The following WASHC2A variants were observed in gnomAD, a reference collection of about 807,000 sequenced individuals.
The protein encoded by WASHC2A is WASH complex subunit FAM21A.
Under a neutral mutation model 140.3 loss-of-function variants are expected in WASHC2A, and 82 were observed. The observed-to-expected ratio is 0.58, with a 90% CI of 0.49 to 0.70. The LOEUF is 0.70. Ranked by LOEUF, WASHC2A falls within the 30% of genes least tolerant of loss-of-function variation. The pLI is 0.00. For missense variants in WASHC2A, 985 were observed against 1,521.8 expected (o/e 0.65, Z 5.87); for synonymous variants, 340 against 560.8 (o/e 0.61, Z 5.56).
chr10:50,129,360 G>A, intron 28 of WASHC2A, 59 bp from the exon 29 acceptor site: 3 of 1,611,986 alleles, frequency 1.9e-6, no homozygotes, highest in Non-Finnish European at 2.5e-6. Flanking sequence ...TCTTTGCCAT[G>A]GTAGCTTTGA....
At chr10:50,128,719 C>T (rs1843662953) in intron 28 of WASHC2A, among the ~76,000 whole-genome samples, 1 of 152,066 alleles carries the variant, frequency 6.6e-6, no homozygotes, top group Non-Finnish European at 1.5e-5. Flanking sequence ...AAGTTGACAA[C>T]ACAATCATAC....
intron 8 of WASHC2A, among the ~76,000 whole-genome samples, chr10:50,090,516 A>ATATATATATATATATT (rs1839819878): frequency 7.1e-5 from 3 of 42,306 alleles, no homozygotes; most frequent in African/African-American, 2.4e-4. Flanking sequence ...AAAAAAAAAA[A>ATATATATATATATATT]TATATATATA....
rs1843756486 is a variant in WASHC2A, at chr10:50,129,582, G to C, written c.3251G>C (p.Arg1084Thr). ...CCAAATGGCCATCGGCCACAGCTCA[G>C]AGCAGCCAGTGGAGAAGACAGCACT... ...ISPNGHRPQL[R>T]AASGEDSTEE... is the part of the protein sequence containing the mutation. The change falls in exon 29 of 31, where the codon AGA becomes ACA. Residue 1084 changes from arginine to threonine, a missense_variant. Transcript: ENST00000282633. The C allele has an allele frequency of 3.1e-6, 5 of 1,611,940 alleles. No homozygotes were observed. In the Admixed American group the frequency reaches 6.7e-5, roughly 21 times the overall value.
At chr10:50,118,306 G>A (rs1430400584) in intron 22 of WASHC2A, among the ~76,000 whole-genome samples, 1 of 60,266 alleles carries the variant, frequency 1.7e-5, no homozygotes, top group East Asian at 4.2e-4. Flanking sequence ...TTACTGTCAC[G>A]TCATGGCATC....
intron 8 of WASHC2A, among the ~76,000 whole-genome samples, chr10:50,090,513 A>ATATATATATATATATATTT (rs1222938483): frequency 2.3e-4 from 16 of 68,518 alleles, no homozygotes; most frequent in Non-Finnish European, 5.7e-4. Context: ...AAAAAAAAAA[A>ATATATATATATATATATTT]AAATATATAT....
intron 18 of WASHC2A, 138 bp downstream of exon 18, chr10:50,104,281 A>T (rs1374576848): frequency 1.6e-6 from 1 of 633,112 alleles, no homozygotes; most frequent in Non-Finnish European, 2.8e-6. Context: ...ATATAACAAA[A>T]ATATTTCTGT....
intron 20 of WASHC2A, among the ~76,000 whole-genome samples, chr10:50,111,767 C>T (rs1842306250): frequency 1.3e-5 from 2 of 152,228 alleles, no homozygotes; most frequent in Non-Finnish European, 2.9e-5. Flanking sequence ...CAGTGGCTCA[C>T]GCCTGTAATC....
rs148241065 is a variant in WASHC2A at position 50,070,502 on chromosome 10, A to G, written c.291+791A>G. Among the ~76,000 whole-genome samples, 786 of 152,256 alleles carry G rather than the reference A, an allele frequency of 5.2e-3. 3 individuals carry two copies. Among genetic ancestry groups the G allele is most frequent in the African/African-American group, 0.016 (646 of 41,520 alleles). ...AGATTGTTAGATATAAAGTAATAAA[A>G]TTTTCAGAATCACAAAATTATTTAA... On this transcript the variant is annotated intron_variant, in intron 3 of 30. Transcript: ENST00000282633.
intron 3 of WASHC2A, among the ~76,000 whole-genome samples, chr10:50,076,878 G>A (rs1838374951): frequency 6.6e-6 from 1 of 151,534 alleles, no homozygotes; most frequent in African/African-American, 2.4e-5. Flanking sequence ...AGCACTTTGG[G>A]AGGCTGAGGT....
At position 50,067,976 on chromosome 10, in the gene WASHC2A, C is replaced by T. The variant is rs1300784498; in HGVS notation, c.-30C>T. ...TGCAGTCCTCGGCGTGTGCTGGCAG[C>T]TTCGGAGCCCACCGAGCCGGGCGGC... On this transcript the variant is annotated 5_prime_UTR_variant, in exon 1 of 31. Transcript: ENST00000282633. 5 of 1,601,666 alleles carry T rather than the reference C, an allele frequency of 3.1e-6. No individual in the cohort carries two copies. The African/African-American group carries it at 4.0e-5, about 13-fold the overall frequency.
At chr10:50,077,169 C>T (rs1384421210) in intron 3 of WASHC2A, among the ~76,000 whole-genome samples, 1 of 151,490 alleles carries the variant, frequency 6.6e-6, no homozygotes, top group Non-Finnish European at 1.5e-5. Flanking sequence ...TGGTGCCCGC[C>T]TGTAATCCCA....
At chr10:50,084,803 T>G (rs1839247308) in intron 6 of WASHC2A, among the ~76,000 whole-genome samples, 1 of 149,336 alleles carries the variant, frequency 6.7e-6, no homozygotes, top group African/African-American at 2.5e-5. Flanking sequence ...TGGCGCGATC[T>G]TGGCTCACTG....
chr10:50,078,359 G>T (rs1838556610), intron 3 of WASHC2A, among the ~76,000 whole-genome samples: 1 of 152,092 alleles, frequency 6.6e-6, no homozygotes, highest in South Asian at 2.1e-4. Context: ...AACATTATTA[G>T]GTTAAATGAA....
intron 28 of WASHC2A, 119 bp downstream of exon 28, chr10:50,127,914 C>T (rs1843581410): frequency 2.6e-6 from 4 of 1,531,394 alleles, no homozygotes; most frequent in Non-Finnish European, 2.7e-6. Context: ...AAGGAGGTGC[C>T]TCATCCTTCC....
chr10:50,082,652 A>AT (rs1387776915), intron 5 of WASHC2A, among the ~76,000 whole-genome samples: 1 of 149,226 alleles, frequency 6.7e-6, no homozygotes, highest in Non-Finnish European at 1.5e-5. Context: ...TAATTTTTGT[A>AT]TTTTTTAGTA....
chr10:50,107,676 C>G (rs1370446719), intron 19 of WASHC2A, among the ~76,000 whole-genome samples: 1 of 151,844 alleles, frequency 6.6e-6, no homozygotes, highest in Admixed American at 6.6e-5. Context: ...AATCCCAGCA[C>G]TTTGAGAGTC....
chr10:50,076,141 G>T lies in WASHC2A; in HGVS notation c.292-2534G>T, dbSNP rs557834584. 1.5e-3 allele frequency among the ~76,000 whole-genome samples: 223 copies of T among 152,040 alleles called. 1 individual carries two copies. Among genetic ancestry groups the T allele is most frequent in the African/African-American group, 5.2e-3 (215 of 41,420 alleles). ...TGGTTTCACCATGTTGGCCAGGCTG[G>T]TCTCAAACTCCTGACCGCAGGTGAT... On this transcript the variant is annotated intron_variant, in intron 3 of 30. Transcript: ENST00000282633.
At chr10:50,123,144 G>T (rs1843140616) in intron 23 of WASHC2A, among the ~76,000 whole-genome samples, 1 of 125,520 alleles carries the variant, frequency 8.0e-6, no homozygotes, top group Non-Finnish European at 1.6e-5. Context: ...CTCATTCCTT[G>T]CTGCTGCAAG....
At chr10:50,131,689 C>G (rs1255882466) in intron 30 of WASHC2A, among the ~76,000 whole-genome samples, 1 of 152,210 alleles carries the variant, frequency 6.6e-6, no homozygotes, top group Admixed American at 6.5e-5. Flanking sequence ...AGGCCACATA[C>G]ACATTTCCTA....
Sources: gnomAD v4.1 joint callset for allele counts (sites outside exome capture counted in the v4.1 genomes callset) on GRCh38, gnomAD v4.1.1 for gene constraint, MANE v1.5 for transcripts, NCBI Gene and HGNC (gene_info 2026-07-23, HGNC 2026-07-21) for gene names.